The following MYO1H variants were observed in gnomAD, a reference collection of about 807,000 sequenced individuals.
MYO1H encodes the protein unconventional myosin-Ih.
A neutral mutation model predicts 149.3 loss-of-function variants in MYO1H; 118 were observed. That is an observed-to-expected ratio of 0.79 (90% CI 0.68 to 0.92). The LOEUF (loss-of-function observed/expected upper bound fraction) is 0.92, where lower values mean the gene tolerates loss of function less well. Among genes scored for constraint, MYO1H ranks in the 40% least tolerant of loss-of-function variants. The pLI, the probability that MYO1H is intolerant of heterozygous loss-of-function variation, is 0.00. For synonymous variants in MYO1H, 447 were observed against 465.2 expected, an observed-to-expected ratio of 0.96 and a Z score of 0.50; for missense variants, 1,212 against 1,280.7, an observed-to-expected ratio of 0.95 and a Z score of 0.82.
At chr12:109,357,304 C>A (rs1006822833) in intron 1 of MYO1H, 2 of 152,116 alleles carry the variant, frequency 1.3e-5, no homozygotes, top group African/African-American at 2.4e-5. Flanking sequence ...TTAGAAGTAT[C>A]CCAACTTGAG....
At chr12:109,312,482 G>A in the MYO1H span, among the ~76,000 whole-genome samples, 10 of 152,196 alleles carry the variant, frequency 6.6e-5, no homozygotes, top group Admixed American at 2.0e-4. Flanking sequence ...TGATCTGCCC[G>A]CCTCAGTCTC....
chr12:109,353,774 C>T (rs1592777227), intron 1 of MYO1H, among the ~76,000 whole-genome samples: 1 of 152,202 alleles, frequency 6.6e-6, no homozygotes, highest in East Asian at 1.9e-4. Flanking sequence ...GCCTCAGCCT[C>T]CTAAGTAGCT....
At chr12:109,438,477 C>T (rs1405790557) in intron 22 of MYO1H, 59 bp from the exon 23 acceptor site, 3 of 1,354,912 alleles carry the variant, frequency 2.2e-6, no homozygotes, top group Non-Finnish European at 3.1e-6. Flanking sequence ...TCTGGAAAAG[C>T]CTTCTGTATT....
chr12:109,322,254 C>G, the MYO1H span, among the ~76,000 whole-genome samples: 1 of 152,138 alleles, frequency 6.6e-6, no homozygotes, highest in African/African-American at 2.4e-5. Flanking sequence ...AACTGGTTGC[C>G]TCTCCTAGCT....
At chr12:109,318,434 G>A in the MYO1H span, among the ~76,000 whole-genome samples, 1 of 152,120 alleles carries the variant, frequency 6.6e-6, no homozygotes, top group South Asian at 2.1e-4. Flanking sequence ...AGTATGGAGA[G>A]GAATAAAAAG....
intron 15 of MYO1H, among the ~76,000 whole-genome samples, chr12:109,415,830 T>C (rs1439955193): frequency 6.6e-6 from 1 of 152,214 alleles, no homozygotes; most frequent in Admixed American, 6.5e-5. Context: ...ATCATCCATT[T>C]ACCCCATTTT....
chr12:109,430,258 G>A (rs144250514), intron 19 of MYO1H, among the ~76,000 whole-genome samples: 41 of 152,250 alleles, frequency 2.7e-4, no homozygotes, highest in African/African-American at 8.7e-4. Flanking sequence ...GGAGATTCAC[G>A]GGATCGAGCT....
At chr12:109,386,018 G>T (rs952098701) in intron 1 of MYO1H, among the ~76,000 whole-genome samples, 1 of 152,108 alleles carries the variant, frequency 6.6e-6, no homozygotes, top group Non-Finnish European at 1.5e-5. Context: ...AATGTCATTT[G>T]CCTGACAACT....
At chr12:109,311,904 C>T in the MYO1H span, among the ~76,000 whole-genome samples, 1 of 152,184 alleles carries the variant, frequency 6.6e-6, no homozygotes, top group African/African-American at 2.4e-5. Context: ...CTTTCCTTTC[C>T]AGTTCTATGC....
intron 31 of MYO1H, chr12:109,446,949 A>G: frequency 3.2e-6 from 2 of 620,394 alleles, no homozygotes; most frequent in Non-Finnish European, 5.8e-6. Flanking sequence ...CACGGAGTCC[A>G]TCTTCCTCCC....
intron 20 of MYO1H, among the ~76,000 whole-genome samples, chr12:109,434,448 T>TGCACCAC (rs1365466409): frequency 6.6e-6 from 1 of 152,146 alleles, no homozygotes; most frequent in African/African-American, 2.4e-5. Flanking sequence ...GAGCCGAGAT[T>TGCACCAC]GCACCACTGC....
chr12:109,447,304 G>A, exon 32 of MYO1H: 2 of 870,098 alleles, frequency 2.3e-6, no homozygotes, highest in South Asian at 2.8e-5. Flanking sequence ...AGCACTAACA[G>A]ATCACATCTG....
the MYO1H span, among the ~76,000 whole-genome samples, chr12:109,342,850 A>G: frequency 6.6e-6 from 1 of 151,958 alleles, no homozygotes; most frequent in African/African-American, 2.4e-5. Context: ...GCCCAGAGAT[A>G]ATTTCAAAGC....
chr12:109,358,537 C>T (rs966671584), intron 1 of MYO1H, among the ~76,000 whole-genome samples: 1 of 152,146 alleles, frequency 6.6e-6, no homozygotes, highest in Non-Finnish European at 1.5e-5. Context: ...GTGTGGACTT[C>T]GTCTCCGGGA....
intron 19 of MYO1H, among the ~76,000 whole-genome samples, chr12:109,427,811 G>A (rs1031707593): frequency 2.2e-4 from 31 of 141,754 alleles, no homozygotes; most frequent in African/African-American, 7.9e-4. Context: ...TTGGGAGGCC[G>A]AGGTGGGAGG....
At chr12:109,357,146 A>G (rs1045012785) in intron 1 of MYO1H, 1 of 152,198 alleles carries the variant, frequency 6.6e-6, no homozygotes, top group African/African-American at 2.4e-5. Context: ...TCTTTGCAGC[A>G]TTAATTTCTG....
At chr12:109,401,575 G>T in intron 6 of MYO1H, 1 of 260,990 alleles carries the variant, frequency 3.8e-6, no homozygotes, top group Admixed American at 4.9e-5. Context: ...CAGAGATTCA[G>T]ATTTCATTGG....
chr12:109,354,608 A>C (rs1868542634), intron 1 of MYO1H, among the ~76,000 whole-genome samples: 1 of 107,926 alleles, frequency 9.3e-6, no homozygotes, highest in Non-Finnish European at 2.0e-5. Context: ...TGACAGAGCG[A>C]GACTCTGTCT....
chr12:109,335,452 C>T, the MYO1H span, among the ~76,000 whole-genome samples: 1 of 152,146 alleles, frequency 6.6e-6, no homozygotes, highest in African/African-American at 2.4e-5. Context: ...CCACCCCCAG[C>T]ATTGGGGATT....
Sources: allele counts gnomAD v4.1 joint callset (sites outside exome capture counted in the v4.1 genomes callset), GRCh38; gene constraint gnomAD v4.1.1; transcripts MANE v1.5; gene names NCBI Gene and HGNC (gene_info 2026-07-23, HGNC 2026-07-21).